Variants in ECPAS observed in about 807,000 individuals in gnomAD.
ECPAS encodes proteasome adapter and scaffold protein ECM29.
Under a neutral mutation model 255.1 loss-of-function variants are expected in ECPAS, and 70 were observed. The observed-to-expected ratio is 0.27, with a 90% CI of 0.23 to 0.33. ECPAS has a LOEUF of 0.33. Among genes scored for constraint, ECPAS ranks in the 10% least tolerant of loss-of-function variants. The pLI is 1.00. For missense variants in ECPAS, 1,817 were observed against 2,206.4 expected, an observed-to-expected ratio of 0.82 and a Z score of 3.54; for synonymous variants, 784 against 775.0, an observed-to-expected ratio of 1.01 and a Z score of -0.19.
intron 46 of ECPAS, 42 bp from the exon 47 acceptor site, chr9:111,366,669 T>C (rs1352731065): frequency 7.7e-7 from 1 of 1,302,076 alleles, no homozygotes; most frequent in East Asian, 2.3e-5. Context: ...GGAGACAGTA[T>C]AAAAGAACAA....
At position 111,484,353 on chromosome 9, in the gene ECPAS, C is replaced by A. The variant is rs963134484; in HGVS notation, c.-320G>T. On this transcript the variant is annotated 5_prime_UTR_variant, in exon 1 of 50. Transcript: ENST00000684092. ...GTTGGCTGGGCCCGACCTGGGGAAA[C>A]ACGCCTGTCCAAAGGAAGAGACGTG... The A allele has an allele frequency of 1.5e-5, 24 of 1,609,988 alleles. No homozygotes were observed. Among genetic ancestry groups the A allele is most frequent in the Non-Finnish European group, 2.0e-5 (23 of 1,178,844 alleles).
At chr9:111,409,941 C>T (rs747169186) in intron 23 of ECPAS, 100 bp downstream of exon 23, 1 of 860,842 alleles carries the variant, frequency 1.2e-6, no homozygotes, top group Non-Finnish European at 1.8e-6. Context: ...AATCCTTCCT[C>T]CAGCTGTAAT....
intron 24 of ECPAS, among the ~76,000 whole-genome samples, chr9:111,400,533 A>G (rs1195799637): frequency 6.6e-6 from 1 of 152,228 alleles, no homozygotes; most frequent in African/African-American, 2.4e-5. Context: ...CAACTTCAAG[A>G]AAACATGGAG....
chr9:111,463,314 C>A (rs1385883362), intron 2 of ECPAS, among the ~76,000 whole-genome samples: 1 of 152,164 alleles, frequency 6.6e-6, no homozygotes. Context: ...GTGTCCCCAG[C>A]ACTAAATTCT....
Position 111,436,796 on chromosome 9 carries a change from G to A in ECPAS, c.708+144C>T, listed in dbSNP as rs576616391. The stretch of plus-strand genomic sequence containing the variant: ...GCTTAATAAATAACTAGCATGAAAA[G>A]AACACATTACATCAACTGCTTCTTT... On this transcript the variant is annotated intron_variant, in intron 7 of 49. Coordinates refer to ENST00000684092, the MANE Select transcript of ECPAS (RefSeq NM_001364929.1). 12 of 689,972 alleles carry A rather than the reference G, an allele frequency of 1.7e-5. No individual in the cohort carries two copies. In the South Asian group the frequency reaches 3.5e-4, roughly 20 times the overall value. 42.7% of individuals were successfully genotyped at this position (689,972 alleles called of 1,614,324 possible).
At chr9:111,394,062 A>G in intron 26 of ECPAS, 98 bp downstream of exon 26, 1 of 1,151,082 alleles carries the variant, frequency 8.7e-7, no homozygotes, top group Non-Finnish European at 1.2e-6. Context: ...ATTTCAAAAT[A>G]CCTACTATTG....
At position 111,361,735 on chromosome 9, in the gene ECPAS, T is replaced by A; in HGVS notation, c.*295A>T. On this transcript the variant is annotated 3_prime_UTR_variant, in exon 50 of 50. Transcript: ENST00000684092. ...CAGCTTGCTCTGCAACTCTGTCTATTAATTCCTTTAATAACAGCTTGAACT... is the reference window on the plus strand; with the variant it reads ...CAGCTTGCTCTGCAACTCTGTCTATAAATTCCTTTAATAACAGCTTGAACT... 1 of 213,192 alleles carries A rather than the reference T, an allele frequency of 4.7e-6. No homozygotes were observed. The allele number at this position is 213,192 out of a possible 1,614,324, so 13.2% of individuals were successfully genotyped here.
Position 111,440,325 on chromosome 9 carries a change from G to A in ECPAS, c.539+47C>T, listed in dbSNP as rs372571905. On this transcript the variant is annotated intron_variant, in intron 6 of 49. Coordinates refer to ENST00000684092, the MANE Select transcript of ECPAS (RefSeq NM_001364929.1). ...CATTTAAAATAGTACTTAACTCCCC[G>A]TAGTAAAAGCAGTCAAGAACAAGGT... 109 of 1,515,612 alleles carry A rather than the reference G, an allele frequency of 7.2e-5. No homozygotes were observed. The South Asian group carries it at 8.0e-4, about 11-fold the overall frequency. 93.9% of individuals were successfully genotyped at this position (1,515,612 alleles called of 1,614,324 possible).
intron 23 of ECPAS, among the ~76,000 whole-genome samples, chr9:111,409,707 TA>T (rs144389849): frequency 0.065 from 9,822 of 150,086 alleles, 447 homozygotes; most frequent in East Asian, 0.19. Flanking sequence ...TGGCCTAAAA[TA>T]AAAAAAAAAT....
chr9:111,384,347 A>G (rs911983915), intron 34 of ECPAS, among the ~76,000 whole-genome samples, 175 bp downstream of exon 34: 20 of 152,236 alleles, frequency 1.3e-4, no homozygotes, highest in African/African-American at 4.3e-4. Context: ...TCAACACACT[A>G]GTACTGCAGT....
At chr9:111,419,210 C>G (rs953058709) in intron 16 of ECPAS, among the ~76,000 whole-genome samples, 1 of 152,124 alleles carries the variant, frequency 6.6e-6, no homozygotes, top group Non-Finnish European at 1.5e-5. Flanking sequence ...TTTATTTAAA[C>G]TATTCCTCAG....
At position 111,393,662 on chromosome 9, in the gene ECPAS, C is replaced by G. The variant is rs375226043; in HGVS notation, c.2977+18G>C. The G allele has an allele frequency of 1.2e-5, 18 of 1,470,506 alleles. No homozygotes were observed. The African/African-American group carries it at 2.4e-4, about 19-fold the overall frequency. The allele number at this position is 1,470,506 out of a possible 1,614,324, so 91.1% of individuals were successfully genotyped here. On this transcript the variant is annotated intron_variant, in intron 27 of 49. Transcript: ENST00000684092. ...TACAAGTTCAATTAAGTTTAGAAATCAAATATTAACAACCTACCATCATTT... is the reference window on the plus strand; with the variant it reads ...TACAAGTTCAATTAAGTTTAGAAATGAAATATTAACAACCTACCATCATTT...
At chr9:111,374,114 C>G in intron 38 of ECPAS, 76 bp from the exon 39 acceptor site, 1 of 1,135,202 alleles carries the variant, frequency 8.8e-7, no homozygotes, top group Non-Finnish European at 1.3e-6. Flanking sequence ...GCTTAGGTGC[C>G]AAAAATTTAA....
At chr9:111,471,910 C>A (rs980918734) in intron 2 of ECPAS, among the ~76,000 whole-genome samples, 1 of 151,870 alleles carries the variant, frequency 6.6e-6, no homozygotes, top group Non-Finnish European at 1.5e-5. Context: ...CCAGACCAGC[C>A]TAGGTAACAC....
At chr9:111,401,965 G>A (rs2098176758) in intron 24 of ECPAS, among the ~76,000 whole-genome samples, 1 of 152,110 alleles carries the variant, frequency 6.6e-6, no homozygotes, top group Middle Eastern at 3.2e-3. Context: ...AATTTATACA[G>A]TTAACACAAT....
At chr9:111,363,952 A>G (rs1282764455) in intron 48 of ECPAS, among the ~76,000 whole-genome samples, 1 of 152,170 alleles carries the variant, frequency 6.6e-6, no homozygotes, top group Non-Finnish European at 1.5e-5. Flanking sequence ...AGATGAAAAA[A>G]CTATCTCAAA....
intron 31 of ECPAS, among the ~76,000 whole-genome samples, chr9:111,388,839 G>A (rs997882907): frequency 1.2e-3 from 184 of 152,180 alleles, no homozygotes; most frequent in African/African-American, 4.2e-3. Flanking sequence ...TTCTGGCTTG[G>A]GCAAATAGGT....
intron 46 of ECPAS, among the ~76,000 whole-genome samples, chr9:111,367,157 T>C (rs2098121341): frequency 6.6e-6 from 1 of 152,186 alleles, no homozygotes; most frequent in Non-Finnish European, 1.5e-5. Context: ...ATAATTAATA[T>C]TATGCCAACT....
In ECPAS at chr9:111,369,271, T is replaced by C. The variant is rs549772339; in HGVS notation, c.4975-98A>G. The C allele has an allele frequency of 2.8e-4, 238 of 846,088 alleles. 5 individuals carry two copies. In the South Asian group the frequency reaches 8.5e-3, roughly 30 times the overall value. 52.4% of individuals were successfully genotyped at this position (846,088 alleles called of 1,614,324 possible). A position where few individuals can be genotyped will look rare whatever the true frequency, so the allele number is the denominator to read the frequency against. On this transcript the variant is annotated intron_variant, in intron 45 of 49. Transcript: ENST00000684092. The stretch of plus-strand genomic sequence containing the variant: ...AGGGTACCAACCAAGGCAGGAGATA[T>C]TAACCAAGAGTTAAATGATAAATTC...
Sources: allele counts gnomAD v4.1 joint callset (sites outside exome capture counted in the v4.1 genomes callset), GRCh38; gene constraint gnomAD v4.1.1; transcripts MANE v1.5; gene names NCBI Gene and HGNC (gene_info 2026-07-23, HGNC 2026-07-21).